ASB18: variants seen among roughly 807,000 people sequenced by gnomAD.
ASB18 encodes ankyrin repeat and SOCS box containing 18, also known as ankyrin repeat and SOCS box protein 18.
In ASB18, 33 loss-of-function variants were observed where a neutral mutation model predicts 33.4. That is an observed-to-expected ratio of 0.99 (90% CI 0.75 to 1.32). ASB18 has a LOEUF of 1.32. Among genes scored for constraint, ASB18 ranks in the 40% most tolerant of loss-of-function variants. The probability of loss-of-function intolerance (pLI) is 0.00; values close to 1 mark genes in which losing one functional copy is unlikely to be tolerated. For synonymous variants in ASB18, 295 were observed against 307.6 expected, an observed-to-expected ratio of 0.96 and a Z score of 0.43; for missense variants, 694 against 655.5, an observed-to-expected ratio of 1.06 and a Z score of -0.64.
In ASB18 at chr2:236,239,004, C is replaced by T. The variant is rs1302431298; in HGVS notation, c.329-1048G>A. 1.3e-5 allele frequency among the ~76,000 whole-genome samples: 2 copies of T among 152,108 alleles called. No individual in the cohort carries two copies. The highest frequency in any genetic ancestry group is 2.9e-5 in the Non-Finnish European group (2 of 68,030). On this transcript the variant is annotated intron_variant, in intron 2 of 5. Transcript: ENST00000409749. This position sits in a 1 kb window ranked among gnomAD's most constrained non-coding sequence, Gnocchi z 5.6. ...AAGGCCCAGCCTGGAGCTTGTTGTG[C>T]ACTCAGTGGGGGAAGGGGGGCCTGT...
At chr2:236,261,124 C>CCAA (rs767946926) in intron 1 of ASB18, among the ~76,000 whole-genome samples, 6 of 152,132 alleles carry the variant, frequency 3.9e-5, no homozygotes, top group Non-Finnish European at 5.9e-5. Context: ...ATTGAGCCCC[C>CCAA]CAATTATTTG....
rs75584617 is a variant in ASB18, at chr2:236,196,960, A to G, written c.1102-575T>C. ...TTCAAGTCCATTAGCTTCACCATAAAGATGGGAACACTATTTGCTTTTAAA... is the reference window on the plus strand; with the variant it reads ...TTCAAGTCCATTAGCTTCACCATAAGGATGGGAACACTATTTGCTTTTAAA... On this transcript the variant is annotated intron_variant, in intron 4 of 5. Transcript: ENST00000409749. The surrounding 1 kb of genome is among the most constrained non-coding windows in gnomAD (Gnocchi z 5.6). Among the ~76,000 whole-genome samples, 3,213 of 152,320 alleles carry G rather than the reference A, an allele frequency of 0.021. 122 individuals are homozygous for G. Among genetic ancestry groups the G allele is most frequent in the African/African-American group, 0.074 (3,066 of 41,558 alleles).
At chr2:236,201,953 TTTAA>T (rs2060405359) in intron 4 of ASB18, among the ~76,000 whole-genome samples, 1 of 147,198 alleles carries the variant, frequency 6.8e-6, no homozygotes, top group African/African-American at 2.5e-5. Context: ...CTGCTCATTC[TTTAA>T]TTTTTTTTTT....
In ASB18 at chr2:236,253,107, T is replaced by G. The variant is rs907441313; in HGVS notation, c.205+11034A>C. ...TTTCTAGATGTTGATCCTAGGAAGT[T>G]TCCTGCCAAACTCCAGTCAGCACCC... On this transcript the variant is annotated intron_variant, in intron 1 of 5. Coordinates refer to ENST00000409749, the MANE Select transcript of ASB18 (RefSeq NM_212556.4). This position sits in a 1 kb window ranked among gnomAD's most constrained non-coding sequence, Gnocchi z 5.4. Among the ~76,000 whole-genome samples, 1 of 152,182 alleles carries G rather than the reference T, an allele frequency of 6.6e-6. No homozygotes were observed. The highest frequency in any genetic ancestry group is 1.5e-5 in the Non-Finnish European group (1 of 68,032).
chr2:236,215,351 C>T lies in ASB18; in HGVS notation c.597-485G>A, dbSNP rs1011427030. 1.3e-5 allele frequency among the ~76,000 whole-genome samples: 2 copies of T among 152,088 alleles called. No individual in the cohort carries two copies. Among genetic ancestry groups the T allele is most frequent in the African/African-American group, 2.4e-5 (1 of 41,402 alleles). On this transcript the variant is annotated intron_variant, in intron 3 of 5. Transcript: ENST00000409749. This position sits in a 1 kb window ranked among gnomAD's most constrained non-coding sequence, Gnocchi z 7.2. ...GTGAGGCAAGCCTTGCCTTGCACCACGAAGGGACTTTCCCCATCCCTCAGG... is the reference window on the plus strand; with the variant it reads ...GTGAGGCAAGCCTTGCCTTGCACCATGAAGGGACTTTCCCCATCCCTCAGG...
Position 236,196,664 on chromosome 2 carries a change from G to T in ASB18, c.1102-279C>A, listed in dbSNP as rs963259571. 2.0e-5 allele frequency among the ~76,000 whole-genome samples: 3 copies of T among 152,198 alleles called. No homozygotes were observed. The highest frequency in any genetic ancestry group is 7.2e-5 in the African/African-American group (3 of 41,440). ...CTGGGCCAAGTGCTTAAGCATTCAGGTTCCCAGGGGGGCTATGCTGGTGGC... is the reference window on the plus strand; with the variant it reads ...CTGGGCCAAGTGCTTAAGCATTCAGTTTCCCAGGGGGGCTATGCTGGTGGC... On this transcript the variant is annotated intron_variant, in intron 4 of 5. Coordinates refer to ENST00000409749, the MANE Select transcript of ASB18 (RefSeq NM_212556.4). This position sits in a 1 kb window ranked among gnomAD's most constrained non-coding sequence, Gnocchi z 5.6.
chr2:236,237,826 G>A lies in ASB18; in HGVS notation c.459C>T (p.Arg153=). 1 of 1,374,418 alleles carries A rather than the reference G, an allele frequency of 7.3e-7. No homozygotes were observed. The highest frequency in any genetic ancestry group is 9.3e-7 in the Non-Finnish European group (1 of 1,074,950). 85.1% of individuals were successfully genotyped at this position (1,374,418 alleles called of 1,614,324 possible). The stretch of plus-strand genomic sequence containing the variant: ...CGAGGCAGGCCTCGTGCAGGGCGCC[G>A]CGGCCGCCGGGGCTGGCGTCTGGGT... ...GADPDASPGG[R]GALHEACLGG... is the part of the protein sequence containing the mutation. The change falls in exon 3 of 6, where the codon CGC becomes CGT. Residue 153 remains arginine, a synonymous_variant. Transcript: ENST00000409749. This position sits in a 1 kb window ranked among gnomAD's most constrained non-coding sequence, Gnocchi z 6.2.
In ASB18 at chr2:236,256,109, C is replaced by T. The variant is rs2060690829; in HGVS notation, c.205+8032G>A. Among the ~76,000 whole-genome samples the T allele has an allele frequency of 1.3e-5, 2 of 152,150 alleles. No individual in the cohort carries two copies. Among genetic ancestry groups the T allele is most frequent in the African/African-American group, 4.8e-5 (2 of 41,420 alleles). ...GCAGTGGCATGATCACGGTTCACTG[C>T]AGCACCTTCCAGCTTAAGTGGTCCT... On this transcript the variant is annotated intron_variant, in intron 1 of 5. Coordinates refer to ENST00000409749, the MANE Select transcript of ASB18 (RefSeq NM_212556.4). The surrounding 1 kb of genome is among the most constrained non-coding windows in gnomAD (Gnocchi z 4.7).
rs7561671 is a variant in ASB18, at chr2:236,204,205, T to A, written c.1102-7820A>T. Among the ~76,000 whole-genome samples the A allele has an allele frequency of 0.46, 70,359 of 152,048 alleles. 20,376 individuals are homozygous for A. The highest frequency in any genetic ancestry group is 0.83 in the African/African-American group (34,522 of 41,482). ...CACTCCCCCATACTGTCCTTACCAA[T>A]GGCACCAATGCTGCTCTTGGCCCAG... On this transcript the variant is annotated intron_variant, in intron 4 of 5. Coordinates refer to ENST00000409749, the MANE Select transcript of ASB18 (RefSeq NM_212556.4). This position sits in a 1 kb window ranked among gnomAD's most constrained non-coding sequence, Gnocchi z 5.1.
rs1416839756 is a variant in ASB18 at position 236,196,707 on chromosome 2, C to G, written c.1102-322G>C. On this transcript the variant is annotated intron_variant, in intron 4 of 5. Coordinates refer to ENST00000409749, the MANE Select transcript of ASB18 (RefSeq NM_212556.4). This position sits in a 1 kb window ranked among gnomAD's most constrained non-coding sequence, Gnocchi z 5.6. ...CTGGTGGCTTGGCAGGCCTCCTTGG[C>G]CCCCAGAGAGCTGCTCAGAGAAAAG... Among the ~76,000 whole-genome samples, 1 of 152,146 alleles carries G rather than the reference C, an allele frequency of 6.6e-6. No individual in the cohort carries two copies. Among genetic ancestry groups the G allele is most frequent in the Admixed American group, 6.6e-5 (1 of 15,266 alleles).
rs1312358643 is a variant in ASB18, at chr2:236,223,544, A to ATAAC, written c.597-8682_597-8679dup. Among the ~76,000 whole-genome samples the ATAAC allele has an allele frequency of 6.6e-6, 1 of 152,264 alleles. No homozygotes were observed. Among genetic ancestry groups the ATAAC allele is most frequent in the Non-Finnish European group, 1.5e-5 (1 of 68,048 alleles). On this transcript the variant is annotated intron_variant, in intron 3 of 5. Coordinates refer to ENST00000409749, the MANE Select transcript of ASB18 (RefSeq NM_212556.4). The surrounding 1 kb of genome is among the most constrained non-coding windows in gnomAD (Gnocchi z 4.6). Reference sequence around the variant, plus strand: ...AGGTATGTATGTATATTTTAATACAATAACTTCTGTGAGGTACACACGCAG... The same window carrying ATAAC: ...AGGTATGTATGTATATTTTAATACAATAACTAACTTCTGTGAGGTACACACGCAG...
Position 236,196,452 on chromosome 2 carries a change from G to T in ASB18, c.1102-67C>A. Reference sequence around the variant, plus strand: ...TTCTGGGTCTCAGTGGGGAAAGGGTGGGGGGTGTGGGGGGATGCTCTCCCT... The same window carrying T: ...TTCTGGGTCTCAGTGGGGAAAGGGTTGGGGGTGTGGGGGGATGCTCTCCCT... On this transcript the variant is annotated intron_variant, in intron 4 of 5. Transcript: ENST00000409749. This position sits in a 1 kb window ranked among gnomAD's most constrained non-coding sequence, Gnocchi z 5.6. 3 of 813,818 alleles carry T rather than the reference G, an allele frequency of 3.7e-6. No individual in the cohort carries two copies. Among genetic ancestry groups the T allele is most frequent in the East Asian group, 5.3e-5 (2 of 37,436 alleles). 50.4% of individuals were successfully genotyped at this position (813,818 alleles called of 1,614,324 possible).
At position 236,223,865 on chromosome 2, in the gene ASB18, T is replaced by A. The variant is rs1255053296; in HGVS notation, c.597-8999A>T. On this transcript the variant is annotated intron_variant, in intron 3 of 5. Transcript: ENST00000409749. This position sits in a 1 kb window ranked among gnomAD's most constrained non-coding sequence, Gnocchi z 4.6. ...TGCATGGAGTAATTCATTCTTTTTTTAAATTGCTGAGTCATATTCAATTGT... is the reference window on the plus strand; with the variant it reads ...TGCATGGAGTAATTCATTCTTTTTTAAAATTGCTGAGTCATATTCAATTGT... Among the ~76,000 whole-genome samples, 1 of 152,226 alleles carries A rather than the reference T, an allele frequency of 6.6e-6. No individual in the cohort carries two copies. The highest frequency in any genetic ancestry group is 2.1e-4 in the South Asian group (1 of 4,832).
At position 236,250,188 on chromosome 2, in the gene ASB18, A is replaced by G. The variant is rs1272383067; in HGVS notation, c.206-8786T>C. On this transcript the variant is annotated intron_variant, in intron 1 of 5. Coordinates refer to ENST00000409749, the MANE Select transcript of ASB18 (RefSeq NM_212556.4). The surrounding 1 kb of genome is among the most constrained non-coding windows in gnomAD (Gnocchi z 4.1). ...TTTTCTTCTTGCCATTGAGTTGACTAGTGATTTTCTTTTCCCCAGAAGCCT... is the reference window on the plus strand; with the variant it reads ...TTTTCTTCTTGCCATTGAGTTGACTGGTGATTTTCTTTTCCCCAGAAGCCT... 1 of 152,222 alleles carries G rather than the reference A, an allele frequency of 6.6e-6. No individual in the cohort carries two copies. Among genetic ancestry groups the G allele is most frequent in the African/African-American group, 2.4e-5 (1 of 41,442 alleles). The allele number at this position is 152,222 out of a possible 1,614,324, so 9.4% of individuals were successfully genotyped here.
At position 236,220,694 on chromosome 2, in the gene ASB18, G is replaced by T. The variant is rs1416815434; in HGVS notation, c.597-5828C>A. Among the ~76,000 whole-genome samples, 1 of 152,074 alleles carries T rather than the reference G, an allele frequency of 6.6e-6. No homozygotes were observed. Among genetic ancestry groups the T allele is most frequent in the Non-Finnish European group, 1.5e-5 (1 of 68,032 alleles). On this transcript the variant is annotated intron_variant, in intron 3 of 5. Coordinates refer to ENST00000409749, the MANE Select transcript of ASB18 (RefSeq NM_212556.4). This position sits in a 1 kb window ranked among gnomAD's most constrained non-coding sequence, Gnocchi z 5.1. ...CAGGAAGTGGCAAAGCAGAGGTCTC[G>T]TTGCTTCATGAGGCTTCCCACTGTC...
At position 236,257,105 on chromosome 2, in the gene ASB18, T is replaced by C. The variant is rs1053707990; in HGVS notation, c.205+7036A>G. ...TGGGTGAATCAATTCAGGCAGCGCATAATTGAGTCTGTTAGCAAGGACTTT... is the reference window on the plus strand; with the variant it reads ...TGGGTGAATCAATTCAGGCAGCGCACAATTGAGTCTGTTAGCAAGGACTTT... On this transcript the variant is annotated intron_variant, in intron 1 of 5. Transcript: ENST00000409749. This position sits in a 1 kb window ranked among gnomAD's most constrained non-coding sequence, Gnocchi z 5.5. 6.6e-6 allele frequency among the ~76,000 whole-genome samples: 1 copy of C among 152,238 alleles called. No individual in the cohort carries two copies.
Position 236,225,809 on chromosome 2 carries a change from T to C in ASB18, c.597-10943A>G, listed in dbSNP as rs188176746. 2.0e-5 allele frequency among the ~76,000 whole-genome samples: 3 copies of C among 151,718 alleles called. No individual in the cohort carries two copies. The highest frequency in any genetic ancestry group is 2.9e-5 in the Non-Finnish European group (2 of 67,964). ...GGAAGCACAGGTAATTTTTTTTTTTTAATCCCAGGAACTCAGAGACTCAAA... is the reference window on the plus strand; with the variant it reads ...GGAAGCACAGGTAATTTTTTTTTTTCAATCCCAGGAACTCAGAGACTCAAA... On this transcript the variant is annotated intron_variant, in intron 3 of 5. Transcript: ENST00000409749. The surrounding 1 kb of genome is among the most constrained non-coding windows in gnomAD (Gnocchi z 5.1).
chr2:236,222,596 A>G lies in ASB18; in HGVS notation c.597-7730T>C, dbSNP rs2060517546. On this transcript the variant is annotated intron_variant, in intron 3 of 5. Coordinates refer to ENST00000409749, the MANE Select transcript of ASB18 (RefSeq NM_212556.4). This position sits in a 1 kb window ranked among gnomAD's most constrained non-coding sequence, Gnocchi z 5.5. ...ATCTCATATTGAAATGTAATCCCCA[A>G]TGCTGGGGGCAGGATGGGGCCTGGT... Among the ~76,000 whole-genome samples the G allele has an allele frequency of 1.3e-5, 2 of 152,256 alleles. No homozygotes were observed. Among genetic ancestry groups the G allele is most frequent in the South Asian group, 4.2e-4 (2 of 4,818 alleles).
chr2:236,258,067 C>A (rs1363466430), intron 1 of ASB18, among the ~76,000 whole-genome samples: 1 of 152,236 alleles, frequency 6.6e-6, no homozygotes, highest in African/African-American at 2.4e-5. Context: ...AGCCAAGCTG[C>A]TGCTTAATCT....
Sources: gnomAD v4.1 joint callset for allele counts (sites outside exome capture counted in the v4.1 genomes callset) on GRCh38, gnomAD v4.1.1 for gene constraint, Gnocchi (gnomAD v3.1) non-coding constraint, MANE v1.5 for transcripts, NCBI Gene and HGNC (gene_info 2026-07-23, HGNC 2026-07-21) for gene names.